Variants in BBOX1 observed in about 807,000 individuals in gnomAD.
BBOX1 encodes the protein gamma-butyrobetaine hydroxylase 1.
In BBOX1, 35 loss-of-function variants were observed where a neutral mutation model predicts 41.6. The observed-to-expected ratio is 0.84, with a 90% confidence interval of 0.64 to 1.11. BBOX1 has a LOEUF of 1.11. BBOX1 is among the 50% of genes most tolerant of loss of function. The pLI, the probability that BBOX1 is intolerant of heterozygous loss-of-function variation, is 0.00. For synonymous variants in BBOX1, 163 were observed against 154.7 expected, an observed-to-expected ratio of 1.05 and a Z score of -0.40; for missense variants, 458 against 460.6, an observed-to-expected ratio of 0.99 and a Z score of 0.05.
chr11:27,124,805 T>C (rs1859590437), intron 7 of BBOX1, among the ~76,000 whole-genome samples: 1 of 152,194 alleles, frequency 6.6e-6, no homozygotes, highest in Admixed American at 6.5e-5. Context: ...ATTACAGGTG[T>C]GAGCCACCGT....
At chr11:27,099,605 G>A (rs1184930724) in intron 5 of BBOX1, among the ~76,000 whole-genome samples, 2 of 152,016 alleles carry the variant, frequency 1.3e-5, no homozygotes, top group East Asian at 1.9e-4. Context: ...GGGACCCAGT[G>A]CCCCCCAGCA....
At chr11:27,064,248 C>T (rs1400139945) in intron 4 of BBOX1, among the ~76,000 whole-genome samples, 2 of 151,840 alleles carry the variant, frequency 1.3e-5, no homozygotes, top group African/African-American at 4.8e-5. Context: ...AGTATCAGGG[C>T]TGCCAGGTCA....
At chr11:27,084,142 T>C (rs1295951280) in intron 4 of BBOX1, among the ~76,000 whole-genome samples, 5 of 152,104 alleles carry the variant, frequency 3.3e-5, no homozygotes, top group Non-Finnish European at 5.9e-5. Context: ...TAGGCATGGG[T>C]AGCCTGAGCA....
At chr11:27,114,259 T>C (rs1859179696) in intron 5 of BBOX1, among the ~76,000 whole-genome samples, 3 of 151,830 alleles carry the variant, frequency 2.0e-5, no homozygotes, top group Admixed American at 2.0e-4. Flanking sequence ...AAAGAAAACC[T>C]AAAGAAATAG....
intron 4 of BBOX1, among the ~76,000 whole-genome samples, chr11:27,077,956 C>T (rs1046780282): frequency 1.8e-4 from 28 of 152,048 alleles, no homozygotes; most frequent in Non-Finnish European, 2.9e-5. Context: ...ATCTCTCGTT[C>T]CCCTTGCTCA....
At chr11:27,081,360 C>A (rs1564969125) in intron 4 of BBOX1, among the ~76,000 whole-genome samples, 1 of 152,154 alleles carries the variant, frequency 6.6e-6, no homozygotes, top group South Asian at 2.1e-4. Context: ...CCAGCTTCAT[C>A]CATGTCCCTG....
chr11:27,057,394 A>G, intron 4 of BBOX1, 79 bp downstream of exon 4: 1 of 1,159,600 alleles, frequency 8.6e-7, no homozygotes, highest in Non-Finnish European at 1.2e-6. Context: ...CTCACAGAAA[A>G]TTCAAACCTT....
rs1187319228 is a variant in BBOX1 at position 27,075,803 on chromosome 11, C to T, written c.335-17365C>T. Among the ~76,000 whole-genome samples, 3 of 152,190 alleles carry T rather than the reference C, an allele frequency of 2.0e-5. No homozygotes were observed. In the East Asian group the frequency reaches 5.8e-4, roughly 29 times the overall value. Reference sequence around the variant, plus strand: ...CCCTGAAGTGTTCCAGAAAGGCTGCCTATAGGTGCACTCATGCTGAACTCC... The same window carrying T: ...CCCTGAAGTGTTCCAGAAAGGCTGCTTATAGGTGCACTCATGCTGAACTCC... On this transcript the variant is annotated intron_variant, in intron 4 of 8. Coordinates refer to ENST00000263182, the MANE Select transcript of BBOX1 (RefSeq NM_003986.3).
chr11:27,082,583 C>T (rs1203175499), intron 4 of BBOX1, among the ~76,000 whole-genome samples: 2 of 152,136 alleles, frequency 1.3e-5, no homozygotes. Context: ...AATCCTAAAT[C>T]TGACACATAT....
In BBOX1 at chr11:27,093,377, A is replaced by G; in HGVS notation, c.533+11A>G. 6.2e-7 allele frequency: 1 copy of G among 1,611,214 alleles called. No individual in the cohort carries two copies. The highest frequency in any genetic ancestry group is 8.5e-7 in the Non-Finnish European group (1 of 1,178,102). ...TCTCACATTTTATGGGTGAGTCACC[A>G]AATGGTTTGTATTCTGCCATCACAG... On this transcript the variant is annotated intron_variant, in intron 5 of 8. Transcript: ENST00000263182.
At chr11:27,085,012 G>A (rs2134023603) in intron 4 of BBOX1, among the ~76,000 whole-genome samples, 1 of 152,180 alleles carries the variant, frequency 6.6e-6, no homozygotes, top group African/African-American at 2.4e-5. Flanking sequence ...TGTTTTTAAT[G>A]TATTCTCCTG....
At chr11:27,126,527 AGAT>A (rs989204965) in intron 8 of BBOX1, among the ~76,000 whole-genome samples, 3 of 152,194 alleles carry the variant, frequency 2.0e-5, no homozygotes, top group African/African-American at 7.2e-5. Flanking sequence ...ATGTGTGAAA[AGAT>A]GAGAGAATAC....
intron 8 of BBOX1, among the ~76,000 whole-genome samples, chr11:27,126,214 G>C (rs769955476): frequency 4.6e-5 from 7 of 152,138 alleles, no homozygotes; most frequent in Non-Finnish European, 7.4e-5. Flanking sequence ...CATCAAACCT[G>C]AGGCTTTTGG....
rs756929574 is a variant in BBOX1 at position 27,093,220 on chromosome 11, T to C, written c.387T>C (p.Asp129=). ...AGCTACCCACTTTGGATTTTGAAGA[T>C]GTTTTAAGATATGATGAACACGCAT... ...ELQLPTLDFE[D]VLRYDEHAYK... Residue 129 remains aspartate (D), a synonymous_variant, in exon 5 of 9, where the codon GAT becomes GAC. Coordinates refer to ENST00000263182, the MANE Select transcript of BBOX1 (RefSeq NM_003986.3). 3 of 1,612,444 alleles carry C rather than the reference T, an allele frequency of 1.9e-6. No homozygotes were observed. The highest frequency in any genetic ancestry group is 2.5e-6 in the Non-Finnish European group (3 of 1,178,958).
At chr11:27,084,939 C>T (rs917843741) in intron 4 of BBOX1, among the ~76,000 whole-genome samples, 22 of 152,230 alleles carry the variant, frequency 1.4e-4, no homozygotes, top group African/African-American at 5.3e-4. Flanking sequence ...TGGTTCATAT[C>T]TTAAATATTC....
intron 5 of BBOX1, among the ~76,000 whole-genome samples, chr11:27,102,152 T>C (rs976196918): frequency 6.6e-6 from 1 of 152,006 alleles, no homozygotes; most frequent in East Asian, 1.9e-4. Flanking sequence ...AAAAAGGATA[T>C]TGAACAGCTA....
chr11:27,090,917 A>G (rs1200804391), intron 4 of BBOX1, among the ~76,000 whole-genome samples: 1 of 151,948 alleles, frequency 6.6e-6, no homozygotes, highest in Non-Finnish European at 1.5e-5. Context: ...GCTCTCTGCA[A>G]GAAGAAAAAC....
chr11:27,084,719 G>T (rs1179871430), intron 4 of BBOX1, among the ~76,000 whole-genome samples: 3 of 152,130 alleles, frequency 2.0e-5, no homozygotes, highest in Non-Finnish European at 2.9e-5. Flanking sequence ...CTGTGCTCAT[G>T]AATCTTTAAC....
At chr11:27,065,432 C>T (rs1857253014) in intron 4 of BBOX1, among the ~76,000 whole-genome samples, 1 of 152,120 alleles carries the variant, frequency 6.6e-6, no homozygotes, top group Non-Finnish European at 1.5e-5. Flanking sequence ...TTGGTAAAAT[C>T]AGGCATAACA....
Sources: allele counts gnomAD v4.1 joint callset (sites outside exome capture counted in the v4.1 genomes callset), GRCh38; gene constraint gnomAD v4.1.1; transcripts MANE v1.5; gene names NCBI Gene and HGNC (gene_info 2026-07-23, HGNC 2026-07-21).